The following GRIN3A variants were observed in gnomAD, a reference collection of about 807,000 sequenced individuals.
GRIN3A encodes the protein glutamate receptor ionotropic, NMDA 3A.
A neutral mutation model predicts 92.4 loss-of-function variants in GRIN3A; 47 were observed. The observed-to-expected ratio is 0.51, with a 90% CI of 0.40 to 0.65. GRIN3A has a LOEUF of 0.65. Among genes scored for constraint, GRIN3A ranks in the 30% least tolerant of loss-of-function variants. The pLI is 0.00. For missense variants in GRIN3A, 1,324 were observed against 1,393.1 expected, an observed-to-expected ratio of 0.95 and a Z score of 0.79; for synonymous variants, 527 against 540.6, an observed-to-expected ratio of 0.97 and a Z score of 0.35.
intron 5 of GRIN3A, among the ~76,000 whole-genome samples, chr9:101,614,167 T>C (rs1213327548): frequency 6.6e-6 from 1 of 152,192 alleles, no homozygotes; most frequent in Non-Finnish European, 1.5e-5. Flanking sequence ...TAATATAAAC[T>C]GAAAATTGAT....
At chr9:101,733,937 A>C (rs13294611) in intron 1 of GRIN3A, among the ~76,000 whole-genome samples, 4,326 of 152,134 alleles carry the variant, frequency 0.028, 91 homozygotes, top group Non-Finnish European at 0.049. Flanking sequence ...GGGCTCAAGC[A>C]GTCCTCCTGC....
intron 1 of GRIN3A, among the ~76,000 whole-genome samples, chr9:101,695,728 C>T (rs1426986116): frequency 3.9e-5 from 6 of 152,180 alleles, no homozygotes; most frequent in South Asian, 4.1e-4. Context: ...TTTGTGCTGA[C>T]GTAATTGATC....
intron 1 of GRIN3A, among the ~76,000 whole-genome samples, chr9:101,690,824 C>T (rs2485520): frequency 0.92 from 140,247 of 152,134 alleles, 64,959 homozygotes; most frequent in Middle Eastern, 0.97. Flanking sequence ...ATTAAAATAA[C>T]AAAGAAATAG....
chr9:101,676,559 T>TG (rs1196440332), intron 2 of GRIN3A, among the ~76,000 whole-genome samples: 2 of 151,928 alleles, frequency 1.3e-5, no homozygotes, highest in African/African-American at 4.8e-5. Flanking sequence ...TCTATCAATT[T>TG]TTTTTTTCTG....
chr9:101,666,732 C>A (rs1215733307), intron 3 of GRIN3A, among the ~76,000 whole-genome samples: 1 of 152,036 alleles, frequency 6.6e-6, no homozygotes. Context: ...CTTGAATGTA[C>A]CAGCATCTTC....
At chr9:101,660,776 T>TC (rs2118932581) in intron 3 of GRIN3A, among the ~76,000 whole-genome samples, 1 of 151,668 alleles carries the variant, frequency 6.6e-6, no homozygotes, top group South Asian at 2.1e-4. Flanking sequence ...CAGGGGTTTT[T>TC]CTCCTATTTG....
At chr9:101,691,999 G>A (rs74693620) in intron 1 of GRIN3A, among the ~76,000 whole-genome samples, 2 of 152,300 alleles carry the variant, frequency 1.3e-5, no homozygotes, top group East Asian at 3.9e-4. Context: ...CATGGAAAGT[G>A]CCTGGCGCAG....
At chr9:101,699,188 A>T (rs1362044584) in intron 1 of GRIN3A, among the ~76,000 whole-genome samples, 3 of 152,172 alleles carry the variant, frequency 2.0e-5, no homozygotes, top group African/African-American at 7.2e-5. Context: ...AAAAATAAAG[A>T]TATGAACAGA....
intron 3 of GRIN3A, among the ~76,000 whole-genome samples, chr9:101,639,319 A>G (rs1828823066): frequency 1.3e-5 from 2 of 152,108 alleles, no homozygotes; most frequent in South Asian, 4.1e-4. Flanking sequence ...TGAGGCCAGA[A>G]CTGATGCTAT....
chr9:101,664,644 T>C (rs1051916353), intron 3 of GRIN3A, among the ~76,000 whole-genome samples: 2 of 151,964 alleles, frequency 1.3e-5, no homozygotes, highest in Non-Finnish European at 2.9e-5. Flanking sequence ...CAACCTCCTG[T>C]GGCTGCTGCA....
intron 1 of GRIN3A, among the ~76,000 whole-genome samples, chr9:101,693,612 T>C (rs1829647730): frequency 6.6e-6 from 1 of 152,142 alleles, no homozygotes; most frequent in Admixed American, 6.6e-5. Context: ...TAAAGCCACT[T>C]GTAAGGTGTC....
In GRIN3A at chr9:101,592,593, AC is replaced by A. The variant is rs1828045813; in HGVS notation, c.2767-13234del. The A allele has an allele frequency of 3.9e-5, 6 of 152,246 alleles. No individual in the cohort carries two copies. In the South Asian group the frequency reaches 1.2e-3, roughly 32 times the overall value. The allele number at this position is 152,246 out of a possible 1,614,324, so 9.4% of individuals were successfully genotyped here. A position where few individuals can be genotyped will look rare whatever the true frequency, so the allele number is the denominator to read the frequency against. On this transcript the variant is annotated intron_variant, in intron 6 of 8. Transcript: ENST00000361820. Reference sequence around the variant, plus strand: ...CTTTGAACATTACATAACCCTGATCACCACAGGGTTGGGAGCGTTTATCACA... The same window carrying A: ...CTTTGAACATTACATAACCCTGATCACACAGGGTTGGGAGCGTTTATCACA...
intron 8 of GRIN3A, among the ~76,000 whole-genome samples, chr9:101,576,225 C>T (rs78545294): frequency 0.02 from 3,073 of 152,236 alleles, 93 homozygotes; most frequent in African/African-American, 0.07. Flanking sequence ...AAATAGGCTT[C>T]CCTGGAGCAA....
At chr9:101,586,488 G>C (rs1484190486) in intron 6 of GRIN3A, among the ~76,000 whole-genome samples, 1 of 151,948 alleles carries the variant, frequency 6.6e-6, no homozygotes, top group African/African-American at 2.4e-5. Context: ...AGTTGTTTAA[G>C]AGAGAAGGGT....
chr9:101,701,292 G>C (rs1400331564), intron 1 of GRIN3A, among the ~76,000 whole-genome samples: 1 of 151,968 alleles, frequency 6.6e-6, no homozygotes, highest in Non-Finnish European at 1.5e-5. Context: ...ATGTCATGGG[G>C]GTTTGTTGTA....
At chr9:101,638,768 C>T (rs562106873) in intron 3 of GRIN3A, among the ~76,000 whole-genome samples, 61 of 152,308 alleles carry the variant, frequency 4.0e-4, no homozygotes, top group African/African-American at 1.3e-3. Context: ...CTATCGTATA[C>T]GACCTGGATT....
chr9:101,737,265 A>C lies in GRIN3A; in HGVS notation c.699+16T>G, dbSNP rs2119053209. ...AGCAGCGCCCATCTCCACTCCACGCACCAGGCTCCTCTCACCTGACTCTCC... is the reference window on the plus strand; with the variant it reads ...AGCAGCGCCCATCTCCACTCCACGCCCCAGGCTCCTCTCACCTGACTCTCC... On this transcript the variant is annotated intron_variant, in intron 1 of 8. Transcript: ENST00000361820. 1 of 1,610,628 alleles carries C rather than the reference A, an allele frequency of 6.2e-7. No homozygotes were observed. The highest frequency in any genetic ancestry group is 8.5e-7 in the Non-Finnish European group (1 of 1,176,916).
intron 6 of GRIN3A, among the ~76,000 whole-genome samples, chr9:101,583,879 CAG>C (rs1400658365): frequency 6.6e-6 from 1 of 152,102 alleles, no homozygotes; most frequent in Admixed American, 6.5e-5. Context: ...TTTTTTGAGA[CAG>C]AGTCTCACTC....
chr9:101,699,469 T>A (rs1027568110), intron 1 of GRIN3A, among the ~76,000 whole-genome samples: 1 of 152,252 alleles, frequency 6.6e-6, no homozygotes, highest in African/African-American at 2.4e-5. Context: ...CCATTATAAT[T>A]TATAGAATCA....
Sources: gnomAD v4.1 joint callset for allele counts (sites outside exome capture counted in the v4.1 genomes callset) on GRCh38, gnomAD v4.1.1 for gene constraint, MANE v1.5 for transcripts, NCBI Gene and HGNC (gene_info 2026-07-23, HGNC 2026-07-21) for gene names.